Variants in CRTC1 observed in about 807,000 individuals in gnomAD.
CRTC1 encodes CREB regulated transcription coactivator 1, also known as CREB-regulated transcription coactivator 1.
Under a neutral mutation model 66.1 loss-of-function variants are expected in CRTC1, and 18 were observed. The observed-to-expected ratio is 0.27, with a 90% CI of 0.19 to 0.40. The LOEUF is 0.40. CRTC1 is among the 10% of genes least tolerant of loss of function. The probability of loss-of-function intolerance (pLI) is 1.00; values close to 1 mark genes in which losing one functional copy is unlikely to be tolerated. For missense variants in CRTC1, 669 were observed against 887.9 expected (o/e 0.75, Z 3.13); for synonymous variants, 416 against 398.8 (o/e 1.04, Z -0.51).
intron 1 of CRTC1, among the ~76,000 whole-genome samples, chr19:18,736,802 G>A (rs992243430): frequency 1.2e-4 from 18 of 152,150 alleles, no homozygotes; most frequent in Admixed American, 1.2e-3. Context: ...GCTTTGCAGG[G>A]CCGAGCTCAG....
At chr19:18,747,169 C>A in intron 4 of CRTC1, 55 bp downstream of exon 4, 2 of 1,253,728 alleles carry the variant, frequency 1.6e-6, no homozygotes, top group Non-Finnish European at 2.2e-6. Context: ...CAAAACCAAA[C>A]TCTCATCATG....
intron 1 of CRTC1, among the ~76,000 whole-genome samples, chr19:18,739,236 G>A (rs2145713612): frequency 6.6e-6 from 1 of 152,364 alleles, no homozygotes; most frequent in African/African-American, 2.4e-5. Flanking sequence ...GGACACCTGA[G>A]TCCCAGGTCA....
At chr19:18,762,956 G>A (rs762474976) in intron 8 of CRTC1, among the ~76,000 whole-genome samples, 10 of 152,220 alleles carry the variant, frequency 6.6e-5, no homozygotes, top group Non-Finnish European at 1.5e-4. Context: ...ACAGCCACAC[G>A]CCACATCTTG....
intron 1 of CRTC1, among the ~76,000 whole-genome samples, chr19:18,685,439 C>G (rs2052664278): frequency 6.6e-6 from 1 of 152,112 alleles, no homozygotes; most frequent in Non-Finnish European, 1.5e-5. Flanking sequence ...AGTGGATCAC[C>G]TGAGGTTAGG....
rs2054320492 is a variant in CRTC1 at position 18,749,686 on chromosome 19, C to T, written c.444-95C>T. On this transcript the variant is annotated intron_variant, in intron 4 of 13. Coordinates refer to ENST00000321949, the MANE Select transcript of CRTC1 (RefSeq NM_015321.3). ...GCTCACAAAAATGATCCACAGCTGC[C>T]ACCCTGTCCATCCAGCGTGTCCCAG... 1.5e-5 allele frequency: 15 copies of T among 1,007,564 alleles called. No individual in the cohort carries two copies. The Middle Eastern group carries it at 6.3e-4, about 42-fold the overall frequency. 62.4% of individuals were successfully genotyped at this position (1,007,564 alleles called of 1,614,324 possible).
At chr19:18,728,815 C>CTTTTTTTTTTTTTTT (rs35465891) in intron 1 of CRTC1, among the ~76,000 whole-genome samples, 8 of 79,380 alleles carry the variant, frequency 1.0e-4, no homozygotes, top group Admixed American at 3.0e-4. Context: ...CTCACCTGGC[C>CTTTTTTTTTTTTTTT]TTTTTTTTTT....
At chr19:18,695,661 C>T (rs548358281) in intron 1 of CRTC1, among the ~76,000 whole-genome samples, 32 of 152,090 alleles carry the variant, frequency 2.1e-4, no homozygotes, top group African/African-American at 6.5e-4. Context: ...GTCAGGAGAT[C>T]GAGACCATCC....
At position 18,779,128 on chromosome 19, in the gene CRTC1, C is replaced by A. The variant is rs2055054375; in HGVS notation, c.*1746C>A. On this transcript the variant is annotated 3_prime_UTR_variant, in exon 14 of 14. Coordinates refer to ENST00000321949, the MANE Select transcript of CRTC1 (RefSeq NM_015321.3). Reference sequence around the variant, plus strand: ...ATCCCCCCAAAACTGCATTGCGGCTCTCGCTCGCTCCTGCCTGCCGGGACA... The same window carrying A: ...ATCCCCCCAAAACTGCATTGCGGCTATCGCTCGCTCCTGCCTGCCGGGACA... The A allele has an allele frequency of 4.3e-6, 1 of 232,592 alleles. No individual in the cohort carries two copies. The highest frequency in any genetic ancestry group is 8.5e-6 in the Non-Finnish European group (1 of 117,712). 14.4% of individuals were successfully genotyped at this position (232,592 alleles called of 1,614,324 possible). A position where few individuals can be genotyped will look rare whatever the true frequency, so the allele number is the denominator to read the frequency against.
At chr19:18,717,092 T>C (rs2053526481) in intron 1 of CRTC1, among the ~76,000 whole-genome samples, 1 of 151,902 alleles carries the variant, frequency 6.6e-6, no homozygotes, top group African/African-American at 2.4e-5. Context: ...TGTGCACACA[T>C]GTGGCTGGGT....
rs977598044 is a variant in CRTC1 at position 18,711,511 on chromosome 19, A to G, written c.126+27683A>G. Among the ~76,000 whole-genome samples the G allele has an allele frequency of 6.6e-5, 10 of 152,278 alleles. No homozygotes were observed. The East Asian group carries it at 1.9e-3, about 29-fold the overall frequency. ...AGTTAACTTAAAAGAAAAAAAAAGTAAAAGTTGGCCACCAGTTTGCATTTT... is the reference window on the plus strand; with the variant it reads ...AGTTAACTTAAAAGAAAAAAAAAGTGAAAGTTGGCCACCAGTTTGCATTTT... On this transcript the variant is annotated intron_variant, in intron 1 of 13. Transcript: ENST00000321949.
Position 18,758,100 on chromosome 19 carries a change from T to C in CRTC1, c.625-1451T>C, listed in dbSNP as rs551222016. Among the ~76,000 whole-genome samples, 20 of 150,816 alleles carry C rather than the reference T, an allele frequency of 1.3e-4. No homozygotes were observed. In the East Asian group the frequency reaches 1.6e-3, roughly 12 times the overall value. Reference sequence around the variant, plus strand: ...GGAAGAGGCCAGGCACCGTGGCTCATGCCTGTAATCCCAGCACTTTGGGGG... The same window carrying C: ...GGAAGAGGCCAGGCACCGTGGCTCACGCCTGTAATCCCAGCACTTTGGGGG... On this transcript the variant is annotated intron_variant, in intron 6 of 13. Coordinates refer to ENST00000321949, the MANE Select transcript of CRTC1 (RefSeq NM_015321.3).
Position 18,723,202 on chromosome 19 carries a change from A to G in CRTC1, c.127-19708A>G, listed in dbSNP as rs549156356. On this transcript the variant is annotated intron_variant, in intron 1 of 13. Coordinates refer to ENST00000321949, the MANE Select transcript of CRTC1 (RefSeq NM_015321.3). ...GTGATCCACCTGCCACAGCCTCCCAAAGTGCTGGGATTACAGGCCTGAGCC... is the reference window on the plus strand; with the variant it reads ...GTGATCCACCTGCCACAGCCTCCCAGAGTGCTGGGATTACAGGCCTGAGCC... Among the ~76,000 whole-genome samples, 3 of 152,228 alleles carry G rather than the reference A, an allele frequency of 2.0e-5. No individual in the cohort carries two copies. The East Asian group carries it at 5.8e-4, about 29-fold the overall frequency.
In CRTC1 at chr19:18,777,553, T is replaced by C; in HGVS notation, c.*171T>C. 1.6e-6 allele frequency: 1 copy of C among 618,846 alleles called. No homozygotes were observed. The highest frequency in any genetic ancestry group is 3.1e-5 in the Admixed American group (1 of 32,098). The allele number at this position is 618,846 out of a possible 1,614,324, so 38.3% of individuals were successfully genotyped here. Reference sequence around the variant, plus strand: ...GTTGTCCACCTCCCGCGAAGCCCAATCGCGAGGCCGCGAGCCGGGCCGTCC... The same window carrying C: ...GTTGTCCACCTCCCGCGAAGCCCAACCGCGAGGCCGCGAGCCGGGCCGTCC... On this transcript the variant is annotated 3_prime_UTR_variant, in exon 14 of 14. Transcript: ENST00000321949. The surrounding 1 kb of genome is among the most constrained non-coding windows in gnomAD (Gnocchi z 5.5).
chr19:18,739,735 G>A (rs2054072384), intron 1 of CRTC1, among the ~76,000 whole-genome samples: 1 of 152,196 alleles, frequency 6.6e-6, no homozygotes, highest in Admixed American at 6.5e-5. Context: ...TGAGGCCAGA[G>A]GTCTGTGGGG....
At chr19:18,727,321 C>T (rs537574484) in intron 1 of CRTC1, among the ~76,000 whole-genome samples, 46 of 151,832 alleles carry the variant, frequency 3.0e-4, no homozygotes, top group East Asian at 1.7e-3. Flanking sequence ...GTGGTTCACG[C>T]GTGTAATCCG....
intron 1 of CRTC1, among the ~76,000 whole-genome samples, chr19:18,731,634 G>A (rs1386831449): frequency 6.6e-6 from 1 of 152,086 alleles, no homozygotes; most frequent in Non-Finnish European, 1.5e-5. Context: ...TTGAACTCTG[G>A]GCTGCTCCTG....
At position 18,741,898 on chromosome 19, in the gene CRTC1, G is replaced by A. The variant is rs2054118954; in HGVS notation, c.127-1012G>A. 6.6e-6 allele frequency among the ~76,000 whole-genome samples: 1 copy of A among 152,092 alleles called. No individual in the cohort carries two copies. The highest frequency in any genetic ancestry group is 6.5e-5 in the Admixed American group (1 of 15,276). On this transcript the variant is annotated intron_variant, in intron 1 of 13. Transcript: ENST00000321949. The surrounding 1 kb of genome is among the most constrained non-coding windows in gnomAD (Gnocchi z 4.2). ...CCCCCTAGGAAGCTGGGGCGGTGGG[G>A]CAGCCAGCTCTCCACGCACTGCCAG... is the stretch of plus-strand genomic sequence containing the variant.
At chr19:18,745,706 C>G (rs1480147648) in intron 2 of CRTC1, 117 bp from the exon 3 acceptor site, 1 of 1,331,682 alleles carries the variant, frequency 7.5e-7, no homozygotes, top group East Asian at 2.3e-5. Context: ...GAGCGATGGC[C>G]GAGGGTGCTC....
At chr19:18,753,402 A>T in intron 5 of CRTC1, 98 bp from the exon 6 acceptor site, 1 of 842,242 alleles carries the variant, frequency 1.2e-6, no homozygotes. Context: ...TACCATGGCC[A>T]TGACTCCGTG....
Sources: gnomAD v4.1 joint callset for allele counts (sites outside exome capture counted in the v4.1 genomes callset) on GRCh38, gnomAD v4.1.1 for gene constraint, Gnocchi (gnomAD v3.1) non-coding constraint, MANE v1.5 for transcripts, NCBI Gene and HGNC (gene_info 2026-07-23, HGNC 2026-07-21) for gene names.